RANBP17: variants seen among roughly 807,000 people sequenced by gnomAD.
RANBP17 encodes the protein RAN binding protein 17.
Under a neutral mutation model 141.2 loss-of-function variants are expected in RANBP17, and 158 were observed. The observed-to-expected ratio is 1.12, with a 90% CI of 0.98 to 1.28. RANBP17 has a LOEUF of 1.28. Among genes scored for constraint, RANBP17 ranks in the 50% most tolerant of loss-of-function variants. The pLI is 0.00. For missense variants in RANBP17, 1,438 were observed against 1,290.7 expected, an observed-to-expected ratio of 1.11 and a Z score of -1.75; for synonymous variants, 430 against 450.0, an observed-to-expected ratio of 0.96 and a Z score of 0.56.
chr5:171,266,502 G>T (rs1188500841), intron 25 of RANBP17, among the ~76,000 whole-genome samples: 6 of 152,136 alleles, frequency 3.9e-5, no homozygotes, highest in Admixed American at 3.9e-4. Flanking sequence ...CATAAGAAAT[G>T]AATATTGCAA....
chr5:170,899,519 T>C (rs978668506), intron 5 of RANBP17, among the ~76,000 whole-genome samples: 1 of 152,168 alleles, frequency 6.6e-6, no homozygotes, highest in Non-Finnish European at 1.5e-5. Flanking sequence ...TTTCTTTCTC[T>C]TGCCTGATTG....
At chr5:171,036,300 G>C (rs1255793020) in intron 14 of RANBP17, among the ~76,000 whole-genome samples, 3 of 152,084 alleles carry the variant, frequency 2.0e-5, no homozygotes, top group Non-Finnish European at 4.4e-5. Flanking sequence ...TTCTTTTCCT[G>C]TGTTAATTCA....
intron 14 of RANBP17, among the ~76,000 whole-genome samples, chr5:171,102,526 A>G (rs1486352470): frequency 1.3e-5 from 2 of 151,848 alleles, no homozygotes; most frequent in Non-Finnish European, 2.9e-5. Flanking sequence ...GCTTCCTTGC[A>G]TTGGGTTAGA....
rs569620997 is a variant in RANBP17 at position 171,098,003 on chromosome 5, A to G, written c.1711-72127A>G. ...ATGGCTGAATAGTATTCCATGGTGTATATGTGCCACATTTGCTTTATCCAG... is the reference window on the plus strand; with the variant it reads ...ATGGCTGAATAGTATTCCATGGTGTGTATGTGCCACATTTGCTTTATCCAG... On this transcript the variant is annotated intron_variant, in intron 14 of 27. Coordinates refer to ENST00000523189, the MANE Select transcript of RANBP17 (RefSeq NM_022897.5). Among the ~76,000 whole-genome samples, 10 of 152,206 alleles carry G rather than the reference A, an allele frequency of 6.6e-5. No homozygotes were observed. The South Asian group carries it at 2.1e-3, about 32-fold the overall frequency.
At chr5:171,103,658 A>G (rs1366296853) in intron 14 of RANBP17, among the ~76,000 whole-genome samples, 3 of 151,966 alleles carry the variant, frequency 2.0e-5, no homozygotes, top group Non-Finnish European at 4.4e-5. Context: ...TGAAAAAAAA[A>G]ACCCTGCAGC....
At chr5:171,086,258 G>C (rs1381847064) in intron 14 of RANBP17, among the ~76,000 whole-genome samples, 5 of 139,000 alleles carry the variant, frequency 3.6e-5, no homozygotes, top group Non-Finnish European at 6.2e-5. Context: ...TTATATGCTG[G>C]ATTACATTTA....
intron 27 of RANBP17, 26 bp downstream of exon 27, chr5:171,296,040 C>T (rs1445176824): frequency 1.2e-6 from 2 of 1,604,696 alleles, no homozygotes; most frequent in African/African-American, 2.7e-5. Context: ...TAGTGTGTCA[C>T]TGGGGGAAGT....
Position 171,183,433 on chromosome 5 carries a change from A to T in RANBP17, c.2038+3A>T, listed in dbSNP as rs1276460112. 1 of 1,601,384 alleles carries T rather than the reference A, an allele frequency of 6.2e-7. No individual in the cohort carries two copies. Among genetic ancestry groups the T allele is most frequent in the Admixed American group, 1.7e-5 (1 of 59,962 alleles). On this transcript the variant is annotated splice_donor_region_variant and intron_variant, in intron 18 of 27. Coordinates refer to ENST00000523189, the MANE Select transcript of RANBP17 (RefSeq NM_022897.5). The stretch of plus-strand genomic sequence containing the variant: ...TCGCCTTCTGATGGTAGATCTGGGT[A>T]AGGTTAAGAATTTAAACTCAATTAA...
chr5:171,242,034 G>A (rs1016488795), intron 23 of RANBP17, among the ~76,000 whole-genome samples: 1 of 150,482 alleles, frequency 6.6e-6, no homozygotes. Context: ...GTGTTGCCCA[G>A]CCTGTTCTTA....
At chr5:171,058,062 AC>A (rs1324179967) in intron 14 of RANBP17, among the ~76,000 whole-genome samples, 1 of 152,128 alleles carries the variant, frequency 6.6e-6, no homozygotes, top group East Asian at 1.9e-4. Context: ...TTAGATATTG[AC>A]AAATTCTCCT....
At chr5:171,034,844 TCTCA>T (rs1295596122) in intron 14 of RANBP17, among the ~76,000 whole-genome samples, 1 of 152,116 alleles carries the variant, frequency 6.6e-6, no homozygotes, top group Non-Finnish European at 1.5e-5. Context: ...TGAGACAAGG[TCTCA>T]CTCTGTTTCC....
intron 3 of RANBP17, among the ~76,000 whole-genome samples, chr5:170,883,366 C>A (rs565582173): frequency 6.6e-6 from 1 of 152,190 alleles, no homozygotes; most frequent in Admixed American, 6.5e-5. Context: ...CTGCCACACA[C>A]GCACAGCTTC....
intron 22 of RANBP17, among the ~76,000 whole-genome samples, chr5:171,222,709 C>T (rs1202414533): frequency 6.6e-6 from 1 of 152,164 alleles, no homozygotes; most frequent in African/African-American, 2.4e-5. Flanking sequence ...GAGCTCACTG[C>T]AACATCCACA....
At chr5:171,064,454 A>G (rs1478647859) in intron 14 of RANBP17, among the ~76,000 whole-genome samples, 2 of 152,206 alleles carry the variant, frequency 1.3e-5, no homozygotes, top group Non-Finnish European at 2.9e-5. Context: ...AAGCATTTTT[A>G]TATCTCCTTT....
chr5:171,033,396 G>T (rs1488973597), intron 14 of RANBP17, among the ~76,000 whole-genome samples: 1 of 152,090 alleles, frequency 6.6e-6, no homozygotes, highest in East Asian at 1.9e-4. Context: ...GATGAAAATA[G>T]AAAAAATATA....
At chr5:171,148,974 C>G (rs2127828291) in intron 14 of RANBP17, among the ~76,000 whole-genome samples, 1 of 152,334 alleles carries the variant, frequency 6.6e-6, no homozygotes, top group Non-Finnish European at 1.5e-5. Context: ...GTCATCATCC[C>G]TGTCCCTGAA....
chr5:170,975,294 C>T (rs1027410927), intron 14 of RANBP17, among the ~76,000 whole-genome samples: 4 of 152,008 alleles, frequency 2.6e-5, no homozygotes, highest in African/African-American at 7.2e-5. Context: ...TTTGGGAGGC[C>T]GAGGTGGGTA....
intron 13 of RANBP17, among the ~76,000 whole-genome samples, chr5:170,966,002 T>G (rs1204134916): frequency 6.6e-6 from 1 of 152,134 alleles, no homozygotes; most frequent in Non-Finnish European, 1.5e-5. Context: ...TATGGCCATT[T>G]TATCTCTGAA....
intron 25 of RANBP17, among the ~76,000 whole-genome samples, chr5:171,277,637 G>GTGTGTGTGTATATATATA (rs1437482589): frequency 1.2e-4 from 7 of 56,920 alleles, no homozygotes; most frequent in African/African-American, 3.5e-4. Flanking sequence ...ATATATGTAT[G>GTGTGTGTGTATATATATA]TATATATATA....
Sources: gnomAD v4.1 joint callset for allele counts (sites outside exome capture counted in the v4.1 genomes callset) on GRCh38, gnomAD v4.1.1 for gene constraint, MANE v1.5 for transcripts, NCBI Gene and HGNC (gene_info 2026-07-23, HGNC 2026-07-21) for gene names.